SRARP: variants seen among roughly 807,000 people sequenced by gnomAD.
SRARP encodes steroid receptor associated and regulated protein.
Under a neutral mutation model 3.6 loss-of-function variants are expected in SRARP, and 5 were observed. The ratio of observed to expected loss-of-function variants is 1.39; its 90% confidence interval spans 0.73 to 2.93. The LOEUF (loss-of-function observed/expected upper bound fraction) is 2.93, where lower values mean the gene tolerates loss of function less well. Among genes scored for constraint, SRARP ranks in the 30% most tolerant of loss-of-function variants. The pLI is 0.00. For synonymous variants in SRARP, 96 were observed against 91.6 expected (o/e 1.05, Z -0.27); for missense variants, 215 against 216.7 (o/e 0.99, Z 0.05).
At chr1:16,004,848 A>G (rs187464375) in intron 1 of SRARP, among the ~76,000 whole-genome samples, 7 of 152,120 alleles carry the variant, frequency 4.6e-5, no homozygotes, top group African/African-American at 1.7e-4. Context: ...GTGCTAGCCA[A>G]CCTACTAGAA....
rs1327760872 is a variant in SRARP at position 16,007,439 on chromosome 1, G to A, written c.*1093G>A. 2 of 151,996 alleles carry A rather than the reference G, an allele frequency of 1.3e-5. No individual in the cohort carries two copies. Among genetic ancestry groups the A allele is most frequent in the Non-Finnish European group, 2.9e-5 (2 of 68,026 alleles). The allele number at this position is 151,996 out of a possible 1,614,324, so 9.4% of individuals were successfully genotyped here. A position where few individuals can be genotyped will look rare whatever the true frequency, so the allele number is the denominator to read the frequency against. ...CAAAGCTCCCAGATAAAAATCACTG[G>A]GTTTTTCTGTATTTATTTTAGAGAC... On this transcript the variant is annotated 3_prime_UTR_variant, in exon 2 of 2. Transcript: ENST00000329454.
At position 16,006,048 on chromosome 1, in the gene SRARP, G is replaced by A. The variant is rs145827638; in HGVS notation, c.212G>A (p.Arg71Gln). 1.5e-3 allele frequency: 2,465 copies of A among 1,613,976 alleles called. 4 individuals are homozygous for A. Among genetic ancestry groups the A allele is most frequent in the Non-Finnish European group, 1.9e-3 (2,222 of 1,179,988 alleles). The change falls in exon 2 of 2, where the codon CGA (arginine) becomes CAA (glutamine). Residue 71 changes from arginine (R) to glutamine (Q), a missense_variant. By Grantham distance (43) the Arg-to-Gln change is conservative. Coordinates refer to ENST00000329454, the MANE Select transcript of SRARP (RefSeq NM_178840.4). Reference sequence around the variant, plus strand: ...CCACCCCAAGCCCCCAGTCCCAATCGAGGGCTTGTCACCCCACCAATGAAG... The same window carrying A: ...CCACCCCAAGCCCCCAGTCCCAATCAAGGGCTTGTCACCCCACCAATGAAG... ...ASPPQAPSPN[R>Q]GLVTPPMKTY...
In SRARP at chr1:16,006,265, G is replaced by A. The variant is rs376518688; in HGVS notation, c.429G>A (p.Ala143=). 2.8e-4 allele frequency: 446 copies of A among 1,613,978 alleles called. 4 individuals carry two copies. The South Asian group carries it at 3.6e-3, about 13-fold the overall frequency. ...PEAKGKPVKA[A]PVRSSTWGTV... Reference sequence around the variant, plus strand: ...CTAAGGGGAAACCCGTGAAGGCTGCGCCTGTGAGGTCTTCAACTTGGGGAA... The same window carrying A: ...CTAAGGGGAAACCCGTGAAGGCTGCACCTGTGAGGTCTTCAACTTGGGGAA... The change falls in exon 2 of 2, where the codon GCG becomes GCA. Residue 143 remains alanine, a synonymous_variant. Coordinates refer to ENST00000329454, the MANE Select transcript of SRARP (RefSeq NM_178840.4).
chr1:16,004,299 G>A lies in SRARP; in HGVS notation c.-5G>A. The A allele has an allele frequency of 6.3e-7, 1 of 1,595,900 alleles. No individual in the cohort carries two copies. The highest frequency in any genetic ancestry group is 8.5e-7 in the Non-Finnish European group (1 of 1,171,528). Reference sequence around the variant, plus strand: ...CCAGAGCTAGGCAGGCGCCGAAGTAGCCGCATGGCCCCGTCAGAAGACCCC... The same window carrying A: ...CCAGAGCTAGGCAGGCGCCGAAGTAACCGCATGGCCCCGTCAGAAGACCCC... On this transcript the variant is annotated 5_prime_UTR_variant, in exon 1 of 2. Coordinates refer to ENST00000329454, the MANE Select transcript of SRARP (RefSeq NM_178840.4).
At position 16,007,948 on chromosome 1, in the gene SRARP, T is replaced by C. The variant is rs1236054312; in HGVS notation, c.*1602T>C. 6.6e-6 allele frequency: 1 copy of C among 152,170 alleles called. No individual in the cohort carries two copies. The highest frequency in any genetic ancestry group is 1.5e-5 in the Non-Finnish European group (1 of 68,032). The allele number at this position is 152,170 out of a possible 1,614,324, so 9.4% of individuals were successfully genotyped here. ...CCATTGAGATTAGAACTCAGGCAAG[T>C]CTGGTGCCCATATTCTTGCTTGTAA... On this transcript the variant is annotated 3_prime_UTR_variant, in exon 2 of 2. Coordinates refer to ENST00000329454, the MANE Select transcript of SRARP (RefSeq NM_178840.4).
rs1471173941 is a variant in SRARP at position 16,005,917 on chromosome 1, A to C, written c.83-2A>C. On this transcript the variant is annotated splice_acceptor_variant, in intron 1 of 1. Coordinates refer to ENST00000329454, the MANE Select transcript of SRARP (RefSeq NM_178840.4). LOFTEE classifies it high-confidence loss of function. Reference sequence around the variant, plus strand: ...AACTTTTGGTCTTTTCCTCTCTTCTAGGTGGGAAGCTGGCTGGCCATCAGA... The same window carrying C: ...AACTTTTGGTCTTTTCCTCTCTTCTCGGTGGGAAGCTGGCTGGCCATCAGA... 17 of 1,559,956 alleles carry C rather than the reference A, an allele frequency of 1.1e-5. No individual in the cohort carries two copies. The Admixed American group carries it at 2.6e-4, about 24-fold the overall frequency.
At position 16,007,180 on chromosome 1, in the gene SRARP, T is replaced by C. The variant is rs1217245171; in HGVS notation, c.*834T>C. On this transcript the variant is annotated 3_prime_UTR_variant, in exon 2 of 2. Coordinates refer to ENST00000329454, the MANE Select transcript of SRARP (RefSeq NM_178840.4). ...AAATAGAGTATCATGTTTGAACGAA[T>C]GAAAACAAGACATGTTATTTATTGA... 1.3e-5 allele frequency: 2 copies of C among 149,556 alleles called. No homozygotes were observed. The highest frequency in any genetic ancestry group is 2.5e-5 in the African/African-American group (1 of 40,322). 9.3% of individuals were successfully genotyped at this position (149,556 alleles called of 1,614,324 possible).
At position 16,007,690 on chromosome 1, in the gene SRARP, C is replaced by G. The variant is rs554373186; in HGVS notation, c.*1344C>G. The G allele has an allele frequency of 6.6e-6, 1 of 152,384 alleles. No homozygotes were observed. The highest frequency in any genetic ancestry group is 2.4e-5 in the African/African-American group (1 of 41,590). 9.4% of individuals were successfully genotyped at this position (152,384 alleles called of 1,614,324 possible). Reference sequence around the variant, plus strand: ...GCCTCAAGCTATCCTCCCGCTTCAGCTTCCCTAAGTGCTTGGATTATAGGT... The same window carrying G: ...GCCTCAAGCTATCCTCCCGCTTCAGGTTCCCTAAGTGCTTGGATTATAGGT... On this transcript the variant is annotated 3_prime_UTR_variant, in exon 2 of 2. Coordinates refer to ENST00000329454, the MANE Select transcript of SRARP (RefSeq NM_178840.4).
chr1:16,006,477 C>T lies in SRARP; in HGVS notation c.*131C>T. ...TAGATCCGCTAAGGGGCATCTGAAACATCCGTCGAGTGGCAGAGGCAGGAT... is the reference window on the plus strand; with the variant it reads ...TAGATCCGCTAAGGGGCATCTGAAATATCCGTCGAGTGGCAGAGGCAGGAT... On this transcript the variant is annotated 3_prime_UTR_variant, in exon 2 of 2. Transcript: ENST00000329454. 2 of 1,056,396 alleles carry T rather than the reference C, an allele frequency of 1.9e-6. No homozygotes were observed. Among genetic ancestry groups the T allele is most frequent in the East Asian group, 2.7e-5 (1 of 37,594 alleles). The allele number at this position is 1,056,396 out of a possible 1,614,324, so 65.4% of individuals were successfully genotyped here.
chr1:16,005,578 G>A (rs1275645755), intron 1 of SRARP, among the ~76,000 whole-genome samples: 2 of 152,224 alleles, frequency 1.3e-5, no homozygotes, highest in Non-Finnish European at 2.9e-5. Flanking sequence ...AATGAATTCA[G>A]GAAACCATGT....
intron 1 of SRARP, among the ~76,000 whole-genome samples, chr1:16,004,885 G>A (rs1198325859): frequency 1.3e-5 from 2 of 152,108 alleles, no homozygotes; most frequent in East Asian, 1.9e-4. Flanking sequence ...AGCCCACGTC[G>A]TGTTTCACAG....
chr1:16,007,990 C>T lies in SRARP; in HGVS notation c.*1644C>T, dbSNP rs922725773. The T allele has an allele frequency of 6.6e-6, 1 of 152,220 alleles. No individual in the cohort carries two copies. Among genetic ancestry groups the T allele is most frequent in the Non-Finnish European group, 1.5e-5 (1 of 68,046 alleles). 9.4% of individuals were successfully genotyped at this position (152,220 alleles called of 1,614,324 possible). A position where few individuals can be genotyped will look rare whatever the true frequency, so the allele number is the denominator to read the frequency against. ...TGCTTGTAACTGTAAGGTATATACC[C>T]TCTCATCCTGGTAGCGTCTCTTCTA... On this transcript the variant is annotated 3_prime_UTR_variant, in exon 2 of 2. Coordinates refer to ENST00000329454, the MANE Select transcript of SRARP (RefSeq NM_178840.4).
Position 16,006,434 on chromosome 1 carries a change from G to A in SRARP, c.*88G>A. On this transcript the variant is annotated 3_prime_UTR_variant, in exon 2 of 2. Coordinates refer to ENST00000329454, the MANE Select transcript of SRARP (RefSeq NM_178840.4). ...AGCTAAGCAGGAGTCTTTTGTGCTT[G>A]AGCCAAGGAAACATCATTAGATCCG... 7.3e-7 allele frequency: 1 copy of A among 1,377,822 alleles called. No homozygotes were observed. Among genetic ancestry groups the A allele is most frequent in the Non-Finnish European group, 9.8e-7 (1 of 1,021,910 alleles). 85.3% of individuals were successfully genotyped at this position (1,377,822 alleles called of 1,614,324 possible).
rs1739835 is a variant in SRARP at position 16,008,649 on chromosome 1, T to G, written c.*2303T>G. ...CGAAAACCCGTCTCTACTAAAAATA[T>G]AAAAATTAGCTGGGCGTGGTGGTGG... On this transcript the variant is annotated 3_prime_UTR_variant, in exon 2 of 2. Coordinates refer to ENST00000329454, the MANE Select transcript of SRARP (RefSeq NM_178840.4). The G allele has an allele frequency of 6.6e-6, 1 of 151,974 alleles. No homozygotes were observed. The allele number at this position is 151,974 out of a possible 1,614,324, so 9.4% of individuals were successfully genotyped here.
chr1:16,007,826 G>A lies in SRARP; in HGVS notation c.*1480G>A, dbSNP rs767566408. 1 of 152,196 alleles carries A rather than the reference G, an allele frequency of 6.6e-6. No individual in the cohort carries two copies. The highest frequency in any genetic ancestry group is 1.5e-5 in the Non-Finnish European group (1 of 68,030). The allele number at this position is 152,196 out of a possible 1,614,324, so 9.4% of individuals were successfully genotyped here. ...AATTGACCATTTACTCTGTGTCAGA[G>A]AAACAACATGGGCACTGTATTTGTG... On this transcript the variant is annotated 3_prime_UTR_variant, in exon 2 of 2. Coordinates refer to ENST00000329454, the MANE Select transcript of SRARP (RefSeq NM_178840.4).
rs982791233 is a variant in SRARP, at chr1:16,006,769, G to A, written c.*423G>A. On this transcript the variant is annotated 3_prime_UTR_variant, in exon 2 of 2. Transcript: ENST00000329454. ...GGGTGAAGACCTTTCCTGATGCAGT[G>A]CTTGGTAAGGGCCTCTCTGCGCAGG... 6.1e-6 allele frequency: 1 copy of A among 164,022 alleles called. No individual in the cohort carries two copies. Among genetic ancestry groups the A allele is most frequent in the Non-Finnish European group, 1.3e-5 (1 of 75,042 alleles). The allele number at this position is 164,022 out of a possible 1,614,324, so 10.2% of individuals were successfully genotyped here. A position where few individuals can be genotyped will look rare whatever the true frequency, so the allele number is the denominator to read the frequency against.
At chr1:16,004,571 G>A (rs958383596) in intron 1 of SRARP, among the ~76,000 whole-genome samples, 186 bp downstream of exon 1, 3 of 152,068 alleles carry the variant, frequency 2.0e-5, no homozygotes, top group Non-Finnish European at 4.4e-5. Context: ...AAAATTAGCT[G>A]GGTGTGGTGG....
rs1266333495 is a variant in SRARP, at chr1:16,007,229, T to C, written c.*883T>C. On this transcript the variant is annotated 3_prime_UTR_variant, in exon 2 of 2. Transcript: ENST00000329454. ...GAGCATCTACTGCATACCAGGCTCA[T>C]GCTGCCCTCTAGGGATAGCAAAAAA... 2 of 147,472 alleles carry C rather than the reference T, an allele frequency of 1.4e-5. No homozygotes were observed. The highest frequency in any genetic ancestry group is 5.1e-5 in the African/African-American group (2 of 39,412). 9.1% of individuals were successfully genotyped at this position (147,472 alleles called of 1,614,324 possible).
Position 16,008,328 on chromosome 1 carries a change from T to C in SRARP, c.*1982T>C, listed in dbSNP as rs1197899335. On this transcript the variant is annotated 3_prime_UTR_variant, in exon 2 of 2. Coordinates refer to ENST00000329454, the MANE Select transcript of SRARP (RefSeq NM_178840.4). ...TCGTTCAGTCTGGCTAGGGTAATTG[T>C]CATTCATTCATTTATTCACCAAGTA... 1 of 152,196 alleles carries C rather than the reference T, an allele frequency of 6.6e-6. No individual in the cohort carries two copies. The highest frequency in any genetic ancestry group is 1.5e-5 in the Non-Finnish European group (1 of 68,042). The allele number at this position is 152,196 out of a possible 1,614,324, so 9.4% of individuals were successfully genotyped here.
Sources: allele counts gnomAD v4.1 joint callset (sites outside exome capture counted in the v4.1 genomes callset), GRCh38; gene constraint gnomAD v4.1.1; transcripts MANE v1.5; gene names NCBI Gene and HGNC (gene_info 2026-07-23, HGNC 2026-07-21).